Variants in HNRNPCL2 observed in about 807,000 individuals in gnomAD.
The protein encoded by HNRNPCL2 is heterogeneous nuclear ribonucleoprotein C-like 2.
Under a neutral mutation model 18.2 loss-of-function variants are expected in HNRNPCL2, and 17 were observed. That is an observed-to-expected ratio of 0.94 (90% CI 0.64 to 1.40). The LOEUF (loss-of-function observed/expected upper bound fraction) is 1.40, where lower values mean the gene tolerates loss of function less well. Ranked by LOEUF, HNRNPCL2 falls within the 40% of genes most tolerant of loss-of-function variation. The probability of loss-of-function intolerance (pLI) is 0.00; values close to 1 mark genes in which losing one functional copy is unlikely to be tolerated. For missense variants in HNRNPCL2, 358 were observed against 357.1 expected (o/e 1.00, Z -0.02); for synonymous variants, 133 against 129.9 (o/e 1.02, Z -0.16).
At chr1:13,116,715 G>C in intron 1 of HNRNPCL2, 78 bp downstream of exon 1, 1 of 464,284 alleles carries the variant, frequency 2.2e-6, no homozygotes, top group East Asian at 4.1e-5. Context: ...CTATGCCATC[G>C]TAGGCTGCAC....
At position 13,116,526 on chromosome 1, in the gene HNRNPCL2, T is replaced by C; in HGVS notation, c.-126A>G. The C allele has an allele frequency of 7.0e-7, 1 of 1,420,554 alleles. No individual in the cohort carries two copies. The highest frequency in any genetic ancestry group is 1.5e-5 in the South Asian group (1 of 67,018). The allele number at this position is 1,420,554 out of a possible 1,614,324, so 88.0% of individuals were successfully genotyped here. A position where few individuals can be genotyped will look rare whatever the true frequency, so the allele number is the denominator to read the frequency against. ...ACTGACTGCGGCTCGAGGCCAGAAA[T>C]GCAGCCAAAACAGCTCAGTCTTCGT... On this transcript the variant is annotated 5_prime_UTR_variant, in exon 2 of 2. Coordinates refer to ENST00000621994, the MANE Select transcript of HNRNPCL2 (RefSeq NM_001136561.3).
In HNRNPCL2 at chr1:13,116,488, T is replaced by G. The variant is rs367709299; in HGVS notation, c.-88A>C. On this transcript the variant is annotated 5_prime_UTR_variant, in exon 2 of 2. Transcript: ENST00000621994. The stretch of plus-strand genomic sequence containing the variant: ...GATTCTAAGTCTCCTACTGCCGGGT[T>G]CTACGGGGAGAAACTGACTGCGGCT... 1,144 of 1,503,962 alleles carry G rather than the reference T, an allele frequency of 7.6e-4. 31 individuals carry two copies. In the African/African-American group the frequency reaches 0.015, roughly 19 times the overall value. 93.2% of individuals were successfully genotyped at this position (1,503,962 alleles called of 1,614,324 possible). A position where few individuals can be genotyped will look rare whatever the true frequency, so the allele number is the denominator to read the frequency against.
In HNRNPCL2 at chr1:13,115,979, A is replaced by G. The variant is rs754785344; in HGVS notation, c.422T>C (p.Val141Ala). The change falls in exon 2 of 2, where the codon GTG (valine) becomes GCG (alanine). Residue 141 changes from valine (V) to alanine (A), a missense_variant. By Grantham distance (64) the Val-to-Ala change is moderately conservative (BLOSUM62 0). Coordinates refer to ENST00000621994, the MANE Select transcript of HNRNPCL2 (RefSeq NM_001136561.3). ...PPPPPIALAV[V>A]PSKRQRISGN... ...TGATATGCGCTGGCGTTTCGAGGGCACTACAGCCAGAGCAATGGGAGGAGG... is the reference window on the plus strand; with the variant it reads ...TGATATGCGCTGGCGTTTCGAGGGCGCTACAGCCAGAGCAATGGGAGGAGG... 6.2e-6 allele frequency: 10 copies of G among 1,613,150 alleles called. No individual in the cohort carries two copies. In the South Asian group the frequency reaches 8.8e-5, roughly 14 times the overall value.
In HNRNPCL2 at chr1:13,115,974, A is replaced by G; in HGVS notation, c.427T>C (p.Ser143Pro). The change falls in exon 2 of 2, where the codon TCG (serine) becomes CCG (proline). Residue 143 changes from serine to proline, a missense_variant. Physicochemically the swap from Ser to Pro is moderately conservative, Grantham distance 74. Transcript: ENST00000621994. ...TTTCCTGATATGCGCTGGCGTTTCGAGGGCACTACAGCCAGAGCAATGGGA... is the reference window on the plus strand; with the variant it reads ...TTTCCTGATATGCGCTGGCGTTTCGGGGGCACTACAGCCAGAGCAATGGGA... Reference protein sequence around the residue: ...PPPIALAVVPSKRQRISGNTS... With the variant: ...PPPIALAVVPPKRQRISGNTS... The G allele has an allele frequency of 6.2e-7, 1 of 1,613,136 alleles. No individual in the cohort carries two copies. The highest frequency in any genetic ancestry group is 8.5e-7 in the Non-Finnish European group (1 of 1,179,758).
chr1:13,116,285 T>C lies in HNRNPCL2; in HGVS notation c.116A>G (p.Lys39Arg), dbSNP rs767910736. Reference sequence around the variant, plus strand: ...AGAGCAGCCCGCAATTTTGCCATACTTGGAAAAGATCGCCTCCACATCAGA... The same window carrying C: ...AGAGCAGCCCGCAATTTTGCCATACCTGGAAAAGATCGCCTCCACATCAGA... ...KKSDVEAIFS[K>R]YGKIAGCSVH... is the part of the protein sequence containing the mutation. The change falls in exon 2 of 2, where the codon AAG becomes AGG. Residue 39 changes from lysine (K) to arginine (R), a missense_variant. By Grantham distance (26) the Lys-to-Arg change is conservative. Coordinates refer to ENST00000621994, the MANE Select transcript of HNRNPCL2 (RefSeq NM_001136561.3). The C allele has an allele frequency of 1.2e-6, 2 of 1,612,122 alleles. No individual in the cohort carries two copies. The highest frequency in any genetic ancestry group is 1.7e-6 in the Non-Finnish European group (2 of 1,179,470).
In HNRNPCL2 at chr1:13,115,647, C is replaced by A. The variant is rs755900068; in HGVS notation, c.754G>T (p.Asp252Tyr). The change falls in exon 2 of 2, where the codon GAC becomes TAC. Residue 252 changes from aspartate to tyrosine, a missense_variant. Physicochemically the swap from Asp to Tyr is radical, Grantham distance 160 (BLOSUM62 -3). Coordinates refer to ENST00000621994, the MANE Select transcript of HNRNPCL2 (RefSeq NM_001136561.3). ...GGAEDSAEEG[D>Y]PLDDDDNEDQ... The stretch of plus-strand genomic sequence containing the variant: ...TCATTATCATCATCATCCAGTGGGT[C>A]CCCCTCCTCAGCAGAGTCTTCTGCA... 5 of 1,613,482 alleles carry A rather than the reference C, an allele frequency of 3.1e-6. No individual in the cohort carries two copies. The Admixed American group carries it at 6.7e-5, about 22-fold the overall frequency.
At position 13,115,764 on chromosome 1, in the gene HNRNPCL2, C is replaced by G. The variant is rs756623106; in HGVS notation, c.637G>C (p.Val213Leu). 1 of 1,613,552 alleles carries G rather than the reference C, an allele frequency of 6.2e-7. No homozygotes were observed. The highest frequency in any genetic ancestry group is 1.7e-5 in the Admixed American group (1 of 59,964). ...KIEKEQSKQE[V>L]EVKNAKSEEE... ...TCTGACTTAGCATTTTTCACCTCTA[C>G]CTCTTGTTTGCTCTGTTCCTTTTCA... Residue 213 changes from valine (V) to leucine (L), a missense_variant, in exon 2 of 2, where the codon GTA becomes CTA. Transcript: ENST00000621994.
At position 13,115,855 on chromosome 1, in the gene HNRNPCL2, G is replaced by T; in HGVS notation, c.546C>A (p.Ala182=). ...TTATCTGGGTCAACTCCTGCTTAAT[G>T]GCCTGAAGGTCATCTCCTTTCAGCT... ...SGKLKGDDLQ[A]IKQELTQIKQ... The change falls in exon 2 of 2, where the codon GCC becomes GCA. Residue 182 remains alanine, a synonymous_variant. Coordinates refer to ENST00000621994, the MANE Select transcript of HNRNPCL2 (RefSeq NM_001136561.3). The T allele has an allele frequency of 6.2e-7, 1 of 1,612,940 alleles. No individual in the cohort carries two copies. Among genetic ancestry groups the T allele is most frequent in the South Asian group, 1.1e-5 (1 of 91,050 alleles).
rs1421673888 is a variant in HNRNPCL2, at chr1:13,115,775, C to T, written c.626G>A (p.Ser209Asn). The change falls in exon 2 of 2, where the codon AGC (serine) becomes AAC (asparagine). Residue 209 changes from serine to asparagine, a missense_variant. Physicochemically the swap from Ser to Asn is conservative, Grantham distance 46. Transcript: ENST00000621994. ...ATTTTTCACCTCTACCTCTTGTTTG[C>T]TCTGTTCCTTTTCAATTTTTTCCAG... is the stretch of plus-strand genomic sequence containing the variant. ...ENLEKIEKEQ[S>N]KQEVEVKNAK... is the part of the protein sequence containing the mutation. The T allele has an allele frequency of 5.6e-6, 9 of 1,613,516 alleles. No homozygotes were observed. Among genetic ancestry groups the T allele is most frequent in the African/African-American group, 1.3e-5 (1 of 74,556 alleles).
chr1:13,116,633 T>G (rs77810577), intron 1 of HNRNPCL2, 52 bp from the exon 2 acceptor site: 4 of 896,998 alleles, frequency 4.5e-6, no homozygotes, highest in Middle Eastern at 7.0e-4. Flanking sequence ...CACGACAAAA[T>G]TGCATTTAGA....
rs751915651 is a variant in HNRNPCL2 at position 13,115,705 on chromosome 1, A to T, written c.696T>A (p.Asp232Glu). The T allele has an allele frequency of 4.3e-6, 7 of 1,613,362 alleles. No homozygotes were observed. The highest frequency in any genetic ancestry group is 1.1e-5 in the South Asian group (1 of 91,058). ...CAGACTCCATCTTTACATGAGTCTC[A>T]TCTTTCTTCATGGAGCTACTGCTCT... Reference protein sequence around the residue: ...EEQSSSSMKKDETHVKMESEG... With the variant: ...EEQSSSSMKKEETHVKMESEG... Residue 232 changes from aspartate to glutamate, a missense_variant, in exon 2 of 2, where the codon GAT becomes GAA. Asp to Glu is a conservative substitution (Grantham distance 45). Transcript: ENST00000621994.
chr1:13,115,914 T>C lies in HNRNPCL2; in HGVS notation c.487A>G (p.Lys163Glu). The change falls in exon 2 of 2, where the codon AAG becomes GAG. Residue 163 changes from lysine (K) to glutamate (E), a missense_variant. By Grantham distance (56) the Lys-to-Glu change is moderately conservative. Coordinates refer to ENST00000621994, the MANE Select transcript of HNRNPCL2 (RefSeq NM_001136561.3). ...TTGGAAGATCCCCGCTTTCCACTCT[T>C]AGAATTGAAGCCACTTTTGCCCCTT... is the stretch of plus-strand genomic sequence containing the variant. ...SRRGKSGFNSKSGKRGSSKSG... is the reference protein window; with the variant it reads ...SRRGKSGFNSESGKRGSSKSG... The C allele has an allele frequency of 1.2e-6, 2 of 1,612,992 alleles. No individual in the cohort carries two copies. Among genetic ancestry groups the C allele is most frequent in the Middle Eastern group, 1.7e-4 (1 of 6,020 alleles).
rs1291012793 is a variant in HNRNPCL2 at position 13,115,588 on chromosome 1, C to A, written c.813G>T (p.Lys271Asn). ...DQGDNQLHLIKNNEKDAEEGE... is the reference protein window; with the variant it reads ...DQGDNQLHLINNNEKDAEEGE... ...CTTCCTCAGCATCTTTTTCATTATTCTTGATCAAATGAAGCTGGTTGTCCC... is the reference window on the plus strand; with the variant it reads ...CTTCCTCAGCATCTTTTTCATTATTATTGATCAAATGAAGCTGGTTGTCCC... The change falls in exon 2 of 2, where the codon AAG (lysine) becomes AAT (asparagine). Residue 271 changes from lysine (K) to asparagine (N), a missense_variant. Transcript: ENST00000621994. The A allele has an allele frequency of 1.2e-6, 2 of 1,613,468 alleles. No homozygotes were observed. The highest frequency in any genetic ancestry group is 1.7e-6 in the Non-Finnish European group (2 of 1,179,906).
rs757632960 is a variant in HNRNPCL2 at position 13,116,205 on chromosome 1, C to T, written c.196G>A (p.Ala66Thr). 8.1e-6 allele frequency: 13 copies of T among 1,611,996 alleles called. 1 individual carries two copies. In the South Asian group the frequency reaches 1.2e-4, roughly 15 times the overall value. ...QYDKEKNARA[A>T]VAGEDGRMIA... is the part of the protein sequence containing the mutation. The stretch of plus-strand genomic sequence containing the variant: ...ATTCTGCCATCCTCTCCTGCTACAG[C>T]AGCCCGGGCATTTTTCTCCTTATCA... Residue 66 changes from alanine (A) to threonine (T), a missense_variant, in exon 2 of 2, where the codon GCT becomes ACT. Transcript: ENST00000621994.
chr1:13,116,351 C>G lies in HNRNPCL2; in HGVS notation c.50G>C (p.Arg17Pro). The change falls in exon 2 of 2, where the codon CGT (arginine) becomes CCT (proline). Residue 17 changes from arginine (R) to proline (P), a missense_variant. By Grantham distance (103) the Arg-to-Pro change is moderately radical (BLOSUM62 -2). Transcript: ENST00000621994. ...AGTGTTGAGATTCCCAATGAACACA[C>G]GGGAGTTCACGGAGTGAGGATCCAT... ...NKMDPHSVNS[R>P]VFIGNLNTLV... 6.2e-7 allele frequency: 1 copy of G among 1,613,114 alleles called. No homozygotes were observed. The highest frequency in any genetic ancestry group is 8.5e-7 in the Non-Finnish European group (1 of 1,179,728).
chr1:13,116,265 A>G lies in HNRNPCL2; in HGVS notation c.136T>C (p.Cys46Arg). The G allele has an allele frequency of 6.2e-7, 1 of 1,612,624 alleles. No individual in the cohort carries two copies. Among genetic ancestry groups the G allele is most frequent in the Non-Finnish European group, 8.5e-7 (1 of 1,179,698 alleles). ...AAGGCAAAGCCCTTATGAACAGAGC[A>G]GCCCGCAATTTTGCCATACTTGGAA... ...IFSKYGKIAG[C>R]SVHKGFAFVQ... Residue 46 changes from cysteine to arginine, a missense_variant, in exon 2 of 2, where the codon TGC (cysteine) becomes CGC (arginine). Coordinates refer to ENST00000621994, the MANE Select transcript of HNRNPCL2 (RefSeq NM_001136561.3).
In HNRNPCL2 at chr1:13,116,204, G is replaced by A. The variant is rs1642823855; in HGVS notation, c.197C>T (p.Ala66Val). The change falls in exon 2 of 2, where the codon GCT becomes GTT. Residue 66 changes from alanine to valine, a missense_variant. Transcript: ENST00000621994. ...CATTCTGCCATCCTCTCCTGCTACA[G>A]CAGCCCGGGCATTTTTCTCCTTATC... ...QYDKEKNARAAVAGEDGRMIA... is the reference protein window; with the variant it reads ...QYDKEKNARAVVAGEDGRMIA... The A allele has an allele frequency of 6.2e-7, 1 of 1,611,772 alleles. No homozygotes were observed. The highest frequency in any genetic ancestry group is 8.5e-7 in the Non-Finnish European group (1 of 1,179,548).
rs1273905587 is a variant in HNRNPCL2 at position 13,116,412 on chromosome 1, A to G, written c.-12T>C. ...ACGTTGCTGGCCATTGTGTTGGATGATAAGGTTTCTCAAAAAGCCAAAAAC... is the reference window on the plus strand; with the variant it reads ...ACGTTGCTGGCCATTGTGTTGGATGGTAAGGTTTCTCAAAAAGCCAAAAAC... On this transcript the variant is annotated 5_prime_UTR_variant, in exon 2 of 2. Transcript: ENST00000621994. 1 of 1,598,956 alleles carries G rather than the reference A, an allele frequency of 6.3e-7. No homozygotes were observed.
At position 13,115,492 on chromosome 1, in the gene HNRNPCL2, A is replaced by C. The variant is rs1213230741; in HGVS notation, c.*27T>G. ...AGCTCCTAGGTAAAGAAACAATGGG[A>C]TAAGATTTCTCAACCCCACTATGTG... On this transcript the variant is annotated 3_prime_UTR_variant, in exon 2 of 2. Coordinates refer to ENST00000621994, the MANE Select transcript of HNRNPCL2 (RefSeq NM_001136561.3). 6.5e-7 allele frequency: 1 copy of C among 1,541,786 alleles called. No individual in the cohort carries two copies. The highest frequency in any genetic ancestry group is 2.2e-5 in the East Asian group (1 of 44,456).
Sources: gnomAD v4.1 joint callset for allele counts on GRCh38, gnomAD v4.1.1 for gene constraint, MANE v1.5 for transcripts, NCBI Gene and HGNC (gene_info 2026-07-23, HGNC 2026-07-21) for gene names.